SFTPB: variants seen among roughly 807,000 people sequenced by gnomAD.
SFTPB encodes the protein surfactant protein B.
A neutral mutation model predicts 51.0 loss-of-function variants in SFTPB; 32 were observed. That is an observed-to-expected ratio of 0.63 (90% confidence interval 0.47 to 0.84). The LOEUF (loss-of-function observed/expected upper bound fraction) is 0.84, where lower values mean the gene tolerates loss of function less well. Among genes scored for constraint, SFTPB ranks in the 40% least tolerant of loss-of-function variants. SFTPB has a pLI of 0.00. For missense variants in SFTPB, 431 were observed against 491.2 expected (o/e 0.88, Z 1.16); for synonymous variants, 211 against 208.5 (o/e 1.01, Z -0.10).
chr2:85,664,110 C>T (rs1301467048), intron 6 of SFTPB, among the ~76,000 whole-genome samples: 2 of 152,224 alleles, frequency 1.3e-5, no homozygotes, highest in African/African-American at 2.4e-5. Flanking sequence ...GACTCTCAGA[C>T]TGACATGGTG....
chr2:85,666,123 G>A (rs1677576704), intron 4 of SFTPB, among the ~76,000 whole-genome samples: 1 of 152,120 alleles, frequency 6.6e-6, no homozygotes, highest in African/African-American at 2.4e-5. Context: ...CCATGGTCGG[G>A]TGCATGGCTG....
chr2:85,660,154 ACT>A (rs1677214495), intron 10 of SFTPB, among the ~76,000 whole-genome samples: 1 of 138,746 alleles, frequency 7.2e-6, no homozygotes, highest in Admixed American at 7.5e-5. Flanking sequence ...ACGGAGTCTC[ACT>A]CTGTCACCCA....
At chr2:85,661,579 GCTCCCCA>G in intron 9 of SFTPB, 44 bp from the exon 10 acceptor site, 1 of 1,520,402 alleles carries the variant, frequency 6.6e-7, no homozygotes, top group Non-Finnish European at 9.0e-7. Flanking sequence ...GGCCCCCTCA[GCTCCCCA>G]CACCCAGCTC....
In SFTPB at chr2:85,658,741, C is replaced by G. The variant is rs562683337; in HGVS notation, c.*961G>C. On this transcript the variant is annotated 3_prime_UTR_variant, in exon 11 of 11. Transcript: ENST00000519937. ...GTTTCACCATGTTGGCGAGGCTGGT[C>G]TCGAACTCCTGACCTCAAGGATCCT... 1 of 152,086 alleles carries G rather than the reference C, an allele frequency of 6.6e-6. No individual in the cohort carries two copies. Among genetic ancestry groups the G allele is most frequent in the African/African-American group, 2.4e-5 (1 of 41,470 alleles). 9.4% of individuals were successfully genotyped at this position (152,086 alleles called of 1,614,324 possible).
chr2:85,664,719 G>A (rs1677484987), intron 6 of SFTPB, among the ~76,000 whole-genome samples: 1 of 152,178 alleles, frequency 6.6e-6, no homozygotes, highest in South Asian at 2.1e-4. Flanking sequence ...GCCTCAGCAG[G>A]AACCTCACCT....
intron 10 of SFTPB, among the ~76,000 whole-genome samples, chr2:85,660,468 GAGAC>G (rs1187199111): frequency 1.4e-5 from 1 of 70,588 alleles, no homozygotes; most frequent in Non-Finnish European, 2.7e-5. Flanking sequence ...TTTTTTTCCT[GAGAC>G]AGAGTTGTGC....
At chr2:85,662,341 G>A (rs1677348124) in intron 8 of SFTPB, 1 of 1,364,990 alleles carries the variant, frequency 7.3e-7, no homozygotes, top group Non-Finnish European at 9.5e-7. Flanking sequence ...CTCAGGCAGA[G>A]GGGTGGAATC....
chr2:85,665,649 A>G lies in SFTPB; in HGVS notation c.539T>C (p.Val180Ala). 2 of 1,614,114 alleles carry G rather than the reference A, an allele frequency of 1.2e-6. No individual in the cohort carries two copies. The highest frequency in any genetic ancestry group is 1.7e-6 in the Non-Finnish European group (2 of 1,180,034). Residue 180 changes from valine to alanine, a missense_variant, in exon 5 of 11, where the codon GTG (valine) becomes GCG (alanine). Physicochemically the swap from Val to Ala is moderately conservative, Grantham distance 64 (BLOSUM62 0). Transcript: ENST00000519937. ...CCTCGCCTGGAGGGCCCCGGGCAGC[A>G]CAGGGAGGACGAGCTTGTCCAGCAG... is the stretch of plus-strand genomic sequence containing the variant. ...DPLLDKLVLP[V>A]LPGALQARPG...
At chr2:85,666,521 G>GTGTT in intron 4 of SFTPB, 96 bp downstream of exon 4, 2 of 1,164,438 alleles carry the variant, frequency 1.7e-6, no homozygotes, top group Non-Finnish European at 1.2e-6. Context: ...GTGTGTGTGT[G>GTGTT]TCTGGCTGGC....
At position 85,667,151 on chromosome 2, in the gene SFTPB, G is replaced by A. The variant is rs1164072437; in HGVS notation, c.222C>T (p.Asp74=). Residue 74 remains aspartate, a synonymous_variant, in exon 3 of 11, where the codon GAC becomes GAT. Coordinates refer to ENST00000519937, the MANE Select transcript of SFTPB (RefSeq NM_000542.5). ...CCATCTTGTTAAGGATGTGGACGAT[G>A]TCCTCACACTCTTGGCATAGGTCAT... ...GADDLCQECE[D]IVHILNKMAK... is the part of the protein sequence containing the mutation. The A allele has an allele frequency of 1.9e-6, 3 of 1,613,960 alleles. No individual in the cohort carries two copies. The highest frequency in any genetic ancestry group is 2.5e-6 in the Non-Finnish European group (3 of 1,179,834).
At chr2:85,664,650 C>T (rs926580237) in intron 6 of SFTPB, among the ~76,000 whole-genome samples, 3 of 152,174 alleles carry the variant, frequency 2.0e-5, no homozygotes, top group Admixed American at 6.5e-5. Flanking sequence ...TTAGTAGAGA[C>T]GGGGTTTCGC....
chr2:85,667,859 C>T (rs944225862), intron 1 of SFTPB, 53 bp from the exon 2 acceptor site: 1 of 1,612,772 alleles, frequency 6.2e-7, no homozygotes, highest in Non-Finnish European at 8.5e-7. Context: ...ACACACCTGG[C>T]ATCATGATTT....
intron 6 of SFTPB, among the ~76,000 whole-genome samples, chr2:85,664,774 G>A (rs1381272939): frequency 6.6e-6 from 1 of 152,230 alleles, no homozygotes; most frequent in East Asian, 1.9e-4. Flanking sequence ...ATCTGGGAAA[G>A]GCTGAGGGGG....
rs764088882 is a variant in SFTPB, at chr2:85,663,746, G to A, written c.774C>T (p.Leu258=). 8.1e-6 allele frequency: 13 copies of A among 1,610,246 alleles called. No individual in the cohort carries two copies. In the East Asian group the frequency reaches 8.9e-5, roughly 11 times the overall value. The part of the protein sequence containing the change: ...CLAERYSVIL[L]DTLLGRMLPQ... Reference sequence around the variant, plus strand: ...GCAGCATGCGGCCCAGCAGCGTGTCGAGCAGGATGACGGAGTAGCGCTCAG... The same window carrying A: ...GCAGCATGCGGCCCAGCAGCGTGTCAAGCAGGATGACGGAGTAGCGCTCAG... The change falls in exon 7 of 11, where the codon CTC becomes CTT. Residue 258 remains leucine (L), a synonymous_variant. Transcript: ENST00000519937.
rs1250074206 is a variant in SFTPB, at chr2:85,668,141, G to T, written c.43C>A (p.Pro15Thr). ...CCAGTGCCTGGGCCACAGAGCGTGG[G>T]CAGCAGCAGCAGCAGCCACTGCAGC... ...HLLQWLLLLL[P>T]TLCGPGTAAW... The change falls in exon 1 of 11, where the codon CCC becomes ACC. Residue 15 changes from proline (P) to threonine (T), a missense_variant. Transcript: ENST00000519937. 1 of 1,534,360 alleles carries T rather than the reference G, an allele frequency of 6.5e-7. No homozygotes were observed.
At chr2:85,665,852 C>G in intron 4 of SFTPB, 58 bp from the exon 5 acceptor site, 1 of 1,556,742 alleles carries the variant, frequency 6.4e-7, no homozygotes, top group Non-Finnish European at 8.8e-7. Flanking sequence ...CACCCCTATT[C>G]AGGCCGGCCC....
Position 85,665,507 on chromosome 2 carries a change from T to C in SFTPB, c.582+99A>G. On this transcript the variant is annotated intron_variant, in intron 5 of 10. Transcript: ENST00000519937. Reference sequence around the variant, plus strand: ...CCCTGCCTGGAGCTTCCTATCACCTTCCCGGCTCTGCCTCTCCCAGGGCCC... The same window carrying C: ...CCCTGCCTGGAGCTTCCTATCACCTCCCCGGCTCTGCCTCTCCCAGGGCCC... 17 of 1,487,906 alleles carry C rather than the reference T, an allele frequency of 1.1e-5. 1 individual carries two copies. The South Asian group carries it at 1.8e-4, about 16-fold the overall frequency. 92.2% of individuals were successfully genotyped at this position (1,487,906 alleles called of 1,614,324 possible).
intron 3 of SFTPB, 122 bp from the exon 4 acceptor site, chr2:85,666,864 A>G: frequency 7.6e-7 from 1 of 1,312,520 alleles, no homozygotes; most frequent in Non-Finnish European, 1.1e-6. Context: ...GGAGTTCACG[A>G]GTGCCAAGGA....
chr2:85,666,519 GTGT>G (rs1558577514), intron 4 of SFTPB, 95 bp downstream of exon 4: 1 of 1,193,310 alleles, frequency 8.4e-7, no homozygotes, highest in African/African-American at 1.5e-5. Flanking sequence ...GTGTGTGTGT[GTGT>G]CTGGCTGGCT....
Sources: allele counts gnomAD v4.1 joint callset (sites outside exome capture counted in the v4.1 genomes callset), GRCh38; gene constraint gnomAD v4.1.1; transcripts MANE v1.5; gene names NCBI Gene and HGNC (gene_info 2026-07-23, HGNC 2026-07-21).